The following ANO2 variants were observed in gnomAD, a reference collection of about 807,000 sequenced individuals.
ANO2 encodes anoctamin 2.
A neutral mutation model predicts 124.2 loss-of-function variants in ANO2; 101 were observed. That is an observed-to-expected ratio of 0.81 (90% confidence interval 0.69 to 0.96). ANO2 has a LOEUF of 0.96. Ranked by LOEUF, ANO2 falls within the 40% of genes least tolerant of loss-of-function variation. ANO2 has a pLI of 0.00. For missense variants in ANO2, 1,293 were observed against 1,274.5 expected (o/e 1.01, Z -0.22); for synonymous variants, 486 against 482.5 (o/e 1.01, Z -0.09).
intron 1 of ANO2, among the ~76,000 whole-genome samples, chr12:5,923,257 TACACACACAC>T (rs34200084): frequency 0.17 from 12,736 of 74,300 alleles, 2,855 homozygotes; most frequent in African/African-American, 0.45. Context: ...TACACACACA[TACACACACAC>T]ACACACACAC....
intron 10 of ANO2, among the ~76,000 whole-genome samples, chr12:5,797,015 A>G (rs555228559): frequency 1.3e-5 from 2 of 152,360 alleles, no homozygotes; most frequent in African/African-American, 4.8e-5. Context: ...CGGGTGGGAA[A>G]GACCTTGGCC....
rs770965020 is a variant in ANO2 at position 5,750,904 on chromosome 12, G to T, written c.1122C>A (p.Ile374=). 11 of 1,611,316 alleles carry T rather than the reference G, an allele frequency of 6.8e-6. No homozygotes were observed. In the East Asian group the frequency reaches 2.5e-4, roughly 36 times the overall value. The part of the protein sequence containing the change: ...AWLGLYTSFL[I]PSSVIGVIVF... ...CAATCACTCCAATTACAGAAGATGG[G>T]ATGAGGAATGATGTATATAATCCCA... Residue 374 remains isoleucine, a synonymous_variant, in exon 11 of 25, where the codon ATC becomes ATA. Coordinates refer to ENST00000682330, the MANE Select transcript of ANO2 (RefSeq NM_001364791.2).
At chr12:5,790,202 T>A (rs983499503) in intron 10 of ANO2, among the ~76,000 whole-genome samples, 1 of 152,192 alleles carries the variant, frequency 6.6e-6, no homozygotes, top group African/African-American at 2.4e-5. Flanking sequence ...AGGGGCTGAA[T>A]GACCTTCCCA....
At chr12:5,577,714 G>A (rs532938756) in intron 22 of ANO2, among the ~76,000 whole-genome samples, 366 of 152,324 alleles carry the variant, frequency 2.4e-3, no homozygotes, top group Non-Finnish European at 4.6e-3. Context: ...GCCAAGGTAT[G>A]CATTCTGATG....
chr12:5,585,933 C>A (rs1299248986), intron 20 of ANO2, among the ~76,000 whole-genome samples: 1 of 152,150 alleles, frequency 6.6e-6, no homozygotes, highest in Non-Finnish European at 1.5e-5. Context: ...ATAAGGAGCA[C>A]AGAAAAGAGG....
At chr12:5,805,951 TA>T in intron 9 of ANO2, 100 bp downstream of exon 9, 1 of 1,172,870 alleles carries the variant, frequency 8.5e-7, no homozygotes, top group Non-Finnish European at 1.2e-6. Flanking sequence ...GGAAAGTAGA[TA>T]AGCAGGTAAA....
At chr12:5,923,541 A>G (rs2136307973) in intron 1 of ANO2, among the ~76,000 whole-genome samples, 1 of 152,288 alleles carries the variant, frequency 6.6e-6, no homozygotes, top group East Asian at 1.9e-4. Flanking sequence ...CCTCTGAACA[A>G]CTGAACAAAG....
intron 16 of ANO2, among the ~76,000 whole-genome samples, chr12:5,618,324 C>T (rs1475351416): frequency 1.3e-5 from 2 of 152,162 alleles, no homozygotes; most frequent in Non-Finnish European, 2.9e-5. Flanking sequence ...TGAAGGTCAC[C>T]TCCAGCGTGG....
rs569589168 is a variant in ANO2, at chr12:5,693,038, C to T, written c.1545+39482G>A. Among the ~76,000 whole-genome samples the T allele has an allele frequency of 4.6e-5, 7 of 152,196 alleles. No homozygotes were observed. The South Asian group carries it at 6.2e-4, about 14-fold the overall frequency. On this transcript the variant is annotated intron_variant, in intron 14 of 24. Coordinates refer to ENST00000682330, the MANE Select transcript of ANO2 (RefSeq NM_001364791.2). ...ACTAGCCGCTTCTGCTCAGTTACTT[C>T]GGCGCATCCATCATCATCCCATCTC...
intron 3 of ANO2, among the ~76,000 whole-genome samples, chr12:5,907,301 G>A (rs1368767307): frequency 2.0e-5 from 3 of 152,172 alleles, no homozygotes; most frequent in African/African-American, 7.2e-5. Context: ...TTTCAAAAGT[G>A]AGCCAATTTA....
intron 10 of ANO2, among the ~76,000 whole-genome samples, chr12:5,796,393 T>G (rs776142131): frequency 1.9e-4 from 27 of 144,548 alleles, no homozygotes; most frequent in Non-Finnish European, 3.2e-4. Context: ...AACACACATA[T>G]TCTCTGGCAC....
At position 5,646,084 on chromosome 12, in the gene ANO2, T is replaced by C. The variant is rs575321578; in HGVS notation, c.1620+1643A>G. Among the ~76,000 whole-genome samples the C allele has an allele frequency of 1.1e-4, 17 of 152,262 alleles. No individual in the cohort carries two copies. In the East Asian group the frequency reaches 2.3e-3, roughly 21 times the overall value. Reference sequence around the variant, plus strand: ...TTACTCTGAACATAGCCCTTTGGAGTTCTGATTTAATTTGGTGAGGACATC... The same window carrying C: ...TTACTCTGAACATAGCCCTTTGGAGCTCTGATTTAATTTGGTGAGGACATC... On this transcript the variant is annotated intron_variant, in intron 15 of 24. Coordinates refer to ENST00000682330, the MANE Select transcript of ANO2 (RefSeq NM_001364791.2).
intron 14 of ANO2, among the ~76,000 whole-genome samples, chr12:5,652,923 G>A (rs530386390): frequency 6.6e-6 from 1 of 152,122 alleles, no homozygotes; most frequent in South Asian, 2.1e-4. Flanking sequence ...CATTTAAGGT[G>A]GGGGAATTAC....
chr12:5,665,306 G>A (rs1414607818), intron 14 of ANO2, among the ~76,000 whole-genome samples: 1 of 152,056 alleles, frequency 6.6e-6, no homozygotes, highest in Non-Finnish European at 1.5e-5. Context: ...AATGTTTACT[G>A]GCCCAGGGCA....
chr12:5,758,831 TAAAC>T (rs1175106503), intron 10 of ANO2, among the ~76,000 whole-genome samples: 1 of 152,076 alleles, frequency 6.6e-6, no homozygotes, highest in Non-Finnish European at 1.5e-5. Flanking sequence ...TGGCATTCAA[TAAAC>T]AAATAAAATA....
rs1237301401 is a variant in ANO2 at position 5,832,860 on chromosome 12, T to C, written c.634-257A>G. Among the ~76,000 whole-genome samples, 7 of 152,316 alleles carry C rather than the reference T, an allele frequency of 4.6e-5. No individual in the cohort carries two copies. In the South Asian group the frequency reaches 1.5e-3, roughly 32 times the overall value. On this transcript the variant is annotated intron_variant, in intron 4 of 24. Coordinates refer to ENST00000682330, the MANE Select transcript of ANO2 (RefSeq NM_001364791.2). ...AAATAAGTGAGGAGTACAAACTTTC[T>C]ATATGACTCGATATCATCTTAGAAA...
At chr12:5,829,320 A>G (rs1954080361) in intron 6 of ANO2, among the ~76,000 whole-genome samples, 2 of 152,200 alleles carry the variant, frequency 1.3e-5, no homozygotes, top group Non-Finnish European at 2.9e-5. Context: ...AATAGCATCA[A>G]CCAAGAAAAT....
chr12:5,668,881 C>A (rs1207716890), intron 14 of ANO2, among the ~76,000 whole-genome samples: 1 of 152,132 alleles, frequency 6.6e-6, no homozygotes, highest in Non-Finnish European at 1.5e-5. Flanking sequence ...TTTCTGAGTT[C>A]TCTATCCTGT....
At chr12:5,816,966 T>G (rs1483470306) in intron 7 of ANO2, among the ~76,000 whole-genome samples, 2 of 152,198 alleles carry the variant, frequency 1.3e-5, no homozygotes, top group African/African-American at 4.8e-5. Context: ...TCATTAAATG[T>G]TTTTTGAATG....
Sources: gnomAD v4.1 joint callset for allele counts (sites outside exome capture counted in the v4.1 genomes callset) on GRCh38, gnomAD v4.1.1 for gene constraint, MANE v1.5 for transcripts, NCBI Gene and HGNC (gene_info 2026-07-23, HGNC 2026-07-21) for gene names.